DENND6A: variants seen among roughly 807,000 people sequenced by gnomAD.
The protein encoded by DENND6A is protein DENND6A.
Under a neutral mutation model 95.5 loss-of-function variants are expected in DENND6A, and 43 were observed. The ratio of observed to expected loss-of-function variants is 0.45; its 90% CI spans 0.35 to 0.58. DENND6A has a LOEUF of 0.58. Ranked by LOEUF, DENND6A falls within the 20% of genes least tolerant of loss-of-function variation. The pLI, the probability that DENND6A is intolerant of heterozygous loss-of-function variation, is 0.00. For synonymous variants in DENND6A, 257 were observed against 260.4 expected (o/e 0.99, Z 0.13); for missense variants, 574 against 736.0 (o/e 0.78, Z 2.55).
At chr3:57,692,583 C>G (rs1285614085) in intron 1 of DENND6A, among the ~76,000 whole-genome samples, 199 bp downstream of exon 1, 1 of 152,220 alleles carries the variant, frequency 6.6e-6, no homozygotes, top group Non-Finnish European at 1.5e-5. Flanking sequence ...GAGAACTTTT[C>G]ACCCCTAGCC....
rs754676132 is a variant in DENND6A, at chr3:57,634,778, A to G, written c.1133-9T>C. The G allele has an allele frequency of 2.3e-5, 35 of 1,542,768 alleles. No homozygotes were observed. The highest frequency in any genetic ancestry group is 2.9e-5 in the Non-Finnish European group (33 of 1,147,202). On this transcript the variant is annotated splice_polypyrimidine_tract_variant and intron_variant, in intron 12 of 19. Coordinates refer to ENST00000311128, the MANE Select transcript of DENND6A (RefSeq NM_152678.3). ...CTGCTTAGGAATTTCACCTGAAGGA[A>G]GCAGCATAAAGATTTTTATAATTAT...
intron 5 of DENND6A, among the ~76,000 whole-genome samples, chr3:57,662,602 T>C (rs1379811899): frequency 6.6e-6 from 1 of 152,060 alleles, no homozygotes; most frequent in Non-Finnish European, 1.5e-5. Flanking sequence ...AAAAAAAATA[T>C]AATAGTTCAG....
rs115566794 is a variant in DENND6A at position 57,646,189 on chromosome 3, G to A, written c.941+127C>T. 1.3e-3 allele frequency: 1,721 copies of A among 1,325,924 alleles called. 15 individuals are homozygous for A. The African/African-American group carries it at 0.021, about 16-fold the overall frequency. 82.1% of individuals were successfully genotyped at this position (1,325,924 alleles called of 1,614,324 possible). ...AGCATTACCTTCTGATAGGGTTTTT[G>A]CATGGATCAATGCAATAATGGGTGG... is the stretch of plus-strand genomic sequence containing the variant. On this transcript the variant is annotated intron_variant, in intron 10 of 19. Transcript: ENST00000311128.
intron 9 of DENND6A, among the ~76,000 whole-genome samples, chr3:57,647,465 A>G (rs575482356): frequency 1.3e-5 from 2 of 152,294 alleles, no homozygotes; most frequent in South Asian, 4.1e-4. Flanking sequence ...GTGGACATCT[A>G]CATGCAGATA....
At chr3:57,688,470 C>T (rs796201803) in intron 1 of DENND6A, among the ~76,000 whole-genome samples, 6 of 152,126 alleles carry the variant, frequency 3.9e-5, no homozygotes, top group African/African-American at 1.4e-4. Flanking sequence ...GTCTCCTAAC[C>T]ACAAGTGAAC....
intron 1 of DENND6A, among the ~76,000 whole-genome samples, chr3:57,691,502 G>A (rs116364288): frequency 0.01 from 1,551 of 152,104 alleles, 30 homozygotes; most frequent in African/African-American, 0.035. Flanking sequence ...ATAATGCCTG[G>A]TTCTTAGTGG....
At chr3:57,654,828 G>A (rs954677587) in intron 9 of DENND6A, 4 of 951,698 alleles carry the variant, frequency 4.2e-6, no homozygotes, top group Admixed American at 1.2e-4. Flanking sequence ...CAGTCTTGGT[G>A]TAAATCTATC....
Position 57,633,979 on chromosome 3 carries a change from G to A in DENND6A, c.1263+579C>T, listed in dbSNP as rs534582760. On this transcript the variant is annotated intron_variant, in intron 14 of 19. Coordinates refer to ENST00000311128, the MANE Select transcript of DENND6A (RefSeq NM_152678.3). The stretch of plus-strand genomic sequence containing the variant: ...ATTTACATTAAAAAAAATGGTAACA[G>A]TCCCCTACTGTTAGATGCTATCATG... Among the ~76,000 whole-genome samples the A allele has an allele frequency of 3.4e-4, 51 of 151,750 alleles. No homozygotes were observed. The South Asian group carries it at 9.8e-3, about 29-fold the overall frequency.
intron 3 of DENND6A, among the ~76,000 whole-genome samples, chr3:57,667,006 A>T (rs1044773621): frequency 6.6e-6 from 1 of 152,234 alleles, no homozygotes; most frequent in Non-Finnish European, 1.5e-5. Flanking sequence ...TTCTTTTACA[A>T]ACGTAGTTAT....
At chr3:57,669,139 T>C (rs995921564) in intron 3 of DENND6A, among the ~76,000 whole-genome samples, 3 of 152,160 alleles carry the variant, frequency 2.0e-5, no homozygotes, top group African/African-American at 7.2e-5. Context: ...CCCAAAGTCC[T>C]GAGATTACAG....
chr3:57,630,634 G>T (rs948476891), intron 17 of DENND6A, 81 bp downstream of exon 17: 30 of 1,537,346 alleles, frequency 2.0e-5, no homozygotes, highest in Non-Finnish European at 2.6e-5. Flanking sequence ...TTTTTAAAAA[G>T]AATAAGCTTA....
intron 1 of DENND6A, among the ~76,000 whole-genome samples, chr3:57,674,027 C>A (rs996480113): frequency 5.9e-5 from 9 of 152,032 alleles, no homozygotes; most frequent in Non-Finnish European, 1.2e-4. Context: ...GCCTTGGCCT[C>A]CCAAAGTGCT....
intron 1 of DENND6A, among the ~76,000 whole-genome samples, chr3:57,675,449 T>C (rs2071693165): frequency 6.6e-6 from 1 of 152,176 alleles, no homozygotes. Context: ...TCCTAACTAC[T>C]TAGTTATTAG....
At chr3:57,629,826 C>A (rs2070626707) in intron 18 of DENND6A, among the ~76,000 whole-genome samples, 1 of 151,962 alleles carries the variant, frequency 6.6e-6, no homozygotes, top group Non-Finnish European at 1.5e-5. Context: ...CCGGCCAGTC[C>A]ACATTTCTAA....
intron 15 of DENND6A, 121 bp from the exon 16 acceptor site, chr3:57,631,099 T>TC: frequency 1.3e-6 from 1 of 761,332 alleles, no homozygotes; most frequent in Non-Finnish European, 2.2e-6. Flanking sequence ...CAGCAACAAC[T>TC]CCATCACTCC....
chr3:57,652,290 A>T (rs1394567499), intron 9 of DENND6A, among the ~76,000 whole-genome samples: 1 of 152,208 alleles, frequency 6.6e-6, no homozygotes, highest in Non-Finnish European at 1.5e-5. Context: ...TTGTGAGAAC[A>T]TTAGGCAGCC....
At chr3:57,678,272 A>T (rs1383025221) in intron 1 of DENND6A, among the ~76,000 whole-genome samples, 1 of 152,166 alleles carries the variant, frequency 6.6e-6, no homozygotes. Context: ...TCAATAGGAG[A>T]TTCTCCCAGC....
At chr3:57,666,288 C>A (rs1177671342) in intron 3 of DENND6A, 53 bp from the exon 4 acceptor site, 1 of 1,370,926 alleles carries the variant, frequency 7.3e-7, no homozygotes, top group Non-Finnish European at 1.0e-6. Flanking sequence ...TAACATTTAT[C>A]CAGTTTCATC....
intron 9 of DENND6A, among the ~76,000 whole-genome samples, chr3:57,655,634 A>C (rs960174816): frequency 2.6e-5 from 4 of 152,182 alleles, no homozygotes; most frequent in African/African-American, 9.6e-5. Context: ...ATATTTTTTT[A>C]AATTACGTTC....
Sources: allele counts gnomAD v4.1 joint callset (sites outside exome capture counted in the v4.1 genomes callset), GRCh38; gene constraint gnomAD v4.1.1; transcripts MANE v1.5; gene names NCBI Gene and HGNC (gene_info 2026-07-23, HGNC 2026-07-21).